INPP4B: variants seen among roughly 807,000 people sequenced by gnomAD.
INPP4B encodes inositol polyphosphate-4-phosphatase type II B.
In INPP4B, 55 loss-of-function variants were observed where a neutral mutation model predicts 122.5. The observed-to-expected ratio is 0.45, with a 90% CI of 0.36 to 0.56. The LOEUF (loss-of-function observed/expected upper bound fraction) is 0.56, where lower values mean the gene tolerates loss of function less well. Ranked by LOEUF, INPP4B falls within the 20% of genes least tolerant of loss-of-function variation. INPP4B has a pLI of 0.00. For synonymous variants in INPP4B, 403 were observed against 388.7 expected (o/e 1.04, Z -0.43); for missense variants, 1,000 against 1,097.7 (o/e 0.91, Z 1.26).
chr4:142,625,415 CA>C (rs1375194136), intron 2 of INPP4B, among the ~76,000 whole-genome samples: 1 of 152,090 alleles, frequency 6.6e-6, no homozygotes, highest in Non-Finnish European at 1.5e-5. Flanking sequence ...CCTAGGAATC[CA>C]ACTTGCAAGG....
chr4:142,378,361 T>C (rs1320029245), intron 7 of INPP4B, among the ~76,000 whole-genome samples: 5 of 152,292 alleles, frequency 3.3e-5, no homozygotes, highest in Admixed American at 2.6e-4. Flanking sequence ...CCCATAACAG[T>C]GTTTAAAAAC....
chr4:142,278,059 A>T (rs1749460912), intron 9 of INPP4B, among the ~76,000 whole-genome samples: 1 of 149,946 alleles, frequency 6.7e-6, no homozygotes, highest in South Asian at 2.1e-4. Context: ...CCTATTTAAA[A>T]ATAATAATAA....
intron 18 of INPP4B, among the ~76,000 whole-genome samples, chr4:142,140,547 A>G (rs192069393): frequency 6.6e-6 from 1 of 152,360 alleles, no homozygotes; most frequent in Admixed American, 6.5e-5. Context: ...AGGAATGGAC[A>G]GAAAATGCAT....
At chr4:142,797,457 G>A (rs1777406533) in intron 1 of INPP4B, among the ~76,000 whole-genome samples, 1 of 151,880 alleles carries the variant, frequency 6.6e-6, no homozygotes. Context: ...GAGCAAAAAG[G>A]CGAAGAGAAG....
At chr4:142,050,332 C>A (rs535103758) in intron 25 of INPP4B, among the ~76,000 whole-genome samples, 14 of 151,876 alleles carry the variant, frequency 9.2e-5, no homozygotes, top group African/African-American at 2.4e-5. Flanking sequence ...GGATTGTAAC[C>A]AAAAGGATGT....
intron 2 of INPP4B, among the ~76,000 whole-genome samples, chr4:142,596,858 C>A (rs1190348878): frequency 6.6e-6 from 1 of 152,188 alleles, no homozygotes; most frequent in African/African-American, 2.4e-5. Context: ...AAGTCAGGGA[C>A]CATGCTCATA....
intron 7 of INPP4B, among the ~76,000 whole-genome samples, chr4:142,391,389 C>T (rs34830426): frequency 0.27 from 40,960 of 152,024 alleles, 6,686 homozygotes; most frequent in South Asian, 0.4. Context: ...AAAAACCCAA[C>T]TCTACTAAAA....
chr4:142,724,698 C>T (rs1383944716), intron 2 of INPP4B, among the ~76,000 whole-genome samples: 1 of 152,066 alleles, frequency 6.6e-6, no homozygotes, highest in East Asian at 1.9e-4. Context: ...GCTATTTTCT[C>T]AAGGGGTTTA....
At chr4:142,098,054 T>G (rs971975686) in intron 23 of INPP4B, among the ~76,000 whole-genome samples, 1 of 152,070 alleles carries the variant, frequency 6.6e-6, no homozygotes, top group African/African-American at 2.4e-5. Flanking sequence ...AGATTGCAAT[T>G]TTAAAGAGGG....
rs1560863777 is a variant in INPP4B, at chr4:142,028,909, C to G, written c.2648G>C (p.Gly883Ala). ...CTTCAGTACATTCTCTATGCGGCAT[C>G]CTTCTCTGGTGAAAGGGGAAAAAGT... ...IRALDCMRRE[G>A]CRIENVLKNI... Residue 883 changes from glycine (G) to alanine (A), a missense_variant, in exon 26 of 26, where the codon GGA (glycine) becomes GCA (alanine). Transcript: ENST00000262992. 1 of 1,609,682 alleles carries G rather than the reference C, an allele frequency of 6.2e-7. No homozygotes were observed. The highest frequency in any genetic ancestry group is 1.7e-5 in the Admixed American group (1 of 59,154).
chr4:142,586,551 T>G (rs1736247449), intron 2 of INPP4B, among the ~76,000 whole-genome samples: 1 of 152,148 alleles, frequency 6.6e-6, no homozygotes, highest in African/African-American at 2.4e-5. Context: ...AGGCTCACAT[T>G]TTAACATTCT....
At chr4:142,571,043 A>G (rs753305877) in intron 2 of INPP4B, among the ~76,000 whole-genome samples, 11 of 148,418 alleles carry the variant, frequency 7.4e-5, no homozygotes, top group Non-Finnish European at 1.5e-4. Flanking sequence ...TCATGAGACT[A>G]TCCCAAAGAA....
chr4:142,288,705 AT>A (rs139169442), intron 9 of INPP4B, among the ~76,000 whole-genome samples: 2 of 151,772 alleles, frequency 1.3e-5, no homozygotes, highest in South Asian at 4.2e-4. Flanking sequence ...CATCCTTTCT[AT>A]TTTTTTTCTT....
chr4:142,363,846 C>T (rs1383415773), intron 7 of INPP4B, among the ~76,000 whole-genome samples: 2 of 152,054 alleles, frequency 1.3e-5, no homozygotes, highest in Non-Finnish European at 2.9e-5. Context: ...AAGGTAGGTT[C>T]ATCTGCATTC....
chr4:142,252,826 T>C (rs1416262137), intron 11 of INPP4B, among the ~76,000 whole-genome samples: 22 of 152,216 alleles, frequency 1.4e-4, no homozygotes, highest in Admixed American at 1.4e-3. Context: ...TTTCTTGTTT[T>C]GGATAATACA....
At chr4:142,278,541 G>A (rs935271014) in intron 9 of INPP4B, among the ~76,000 whole-genome samples, 1 of 151,816 alleles carries the variant, frequency 6.6e-6, no homozygotes, top group Non-Finnish European at 1.5e-5. Flanking sequence ...AAACTATGAG[G>A]GGCAAAAAGT....
intron 1 of INPP4B, among the ~76,000 whole-genome samples, chr4:142,744,842 T>C (rs1352973956): frequency 6.6e-6 from 1 of 151,786 alleles, no homozygotes; most frequent in Admixed American, 6.6e-5. Context: ...TAAATAGACA[T>C]AAATATAAGA....
intron 2 of INPP4B, among the ~76,000 whole-genome samples, chr4:142,497,966 G>C (rs1822812269): frequency 6.6e-6 from 1 of 151,986 alleles, no homozygotes; most frequent in Non-Finnish European, 1.5e-5. Flanking sequence ...AAATGAGAAA[G>C]GTATTTGTGA....
At chr4:142,263,662 A>ATG in intron 10 of INPP4B, among the ~76,000 whole-genome samples, 1 of 90,650 alleles carries the variant, frequency 1.1e-5, no homozygotes, top group Non-Finnish European at 2.1e-5. Flanking sequence ...ATATATATAT[A>ATG]TATATATATA....
Sources: gnomAD v4.1 joint callset for allele counts (sites outside exome capture counted in the v4.1 genomes callset) on GRCh38, gnomAD v4.1.1 for gene constraint, MANE v1.5 for transcripts, NCBI Gene and HGNC (gene_info 2026-07-23, HGNC 2026-07-21) for gene names.